Variants in PTPRN2 observed in about 807,000 individuals in gnomAD.
PTPRN2 encodes the protein protein tyrosine phosphatase receptor type N2.
Under a neutral mutation model 118.8 loss-of-function variants are expected in PTPRN2, and 74 were observed. The observed-to-expected ratio is 0.62, with a 90% CI of 0.52 to 0.76. The LOEUF is 0.76. Among genes scored for constraint, PTPRN2 ranks in the 30% least tolerant of loss-of-function variants. PTPRN2 has a pLI of 0.00. For synonymous variants in PTPRN2, 641 were observed against 608.0 expected, an observed-to-expected ratio of 1.05 and a Z score of -0.80; for missense variants, 1,481 against 1,394.4, an observed-to-expected ratio of 1.06 and a Z score of -0.99.
chr7:157,803,245 G>A (rs1182870650), intron 12 of PTPRN2, among the ~76,000 whole-genome samples: 1 of 152,196 alleles, frequency 6.6e-6, no homozygotes, highest in Non-Finnish European at 1.5e-5. Flanking sequence ...GATTATAGGT[G>A]TGAGCCACCA....
At chr7:157,621,572 A>G in intron 14 of PTPRN2, 63 bp from the exon 15 acceptor site, 1 of 1,591,876 alleles carries the variant, frequency 6.3e-7, no homozygotes, top group Non-Finnish European at 8.5e-7. Flanking sequence ...GCAGATGCAC[A>G]AAAGGCAGCG....
chr7:158,275,798 C>T (rs1167685140), intron 3 of PTPRN2, among the ~76,000 whole-genome samples: 8 of 152,154 alleles, frequency 5.3e-5, no homozygotes, highest in Non-Finnish European at 1.0e-4. Flanking sequence ...GGGCCTCCAC[C>T]GCCAAAGCCA....
At chr7:158,295,305 A>G (rs111288746) in intron 3 of PTPRN2, among the ~76,000 whole-genome samples, 19 of 7,810 alleles carry the variant, frequency 2.4e-3, no homozygotes, top group East Asian at 3.9e-3. Context: ...AGCCCACGGC[A>G]CCCGCTGACC....
chr7:158,159,339 C>G (rs868053424), intron 6 of PTPRN2, among the ~76,000 whole-genome samples: 1 of 152,238 alleles, frequency 6.6e-6, no homozygotes, highest in Non-Finnish European at 1.5e-5. Context: ...ATGAACACCA[C>G]GGGCCCCATC....
chr7:157,860,743 G>C (rs1810172791), intron 12 of PTPRN2, among the ~76,000 whole-genome samples: 2 of 152,246 alleles, frequency 1.3e-5, no homozygotes, highest in Non-Finnish European at 2.9e-5. Flanking sequence ...AGAGCAGACA[G>C]TTTCTTATAT....
intron 1 of PTPRN2, among the ~76,000 whole-genome samples, chr7:158,582,796 C>CAAAAAAAAAAAAA (rs1156687117): frequency 2.3e-5 from 1 of 44,296 alleles, no homozygotes; most frequent in Non-Finnish European, 4.2e-5. Flanking sequence ...GACTCCATCT[C>CAAAAAAAAAAAAA]AAAAAAAAAA....
At chr7:158,103,096 G>A (rs997184497) in intron 10 of PTPRN2, among the ~76,000 whole-genome samples, 11 of 152,184 alleles carry the variant, frequency 7.2e-5, no homozygotes, top group Non-Finnish European at 1.3e-4. Flanking sequence ...AGAAGCAGGC[G>A]TGAGCACCTA....
chr7:158,275,404 C>G (rs148436362), intron 3 of PTPRN2, among the ~76,000 whole-genome samples: 1 of 152,218 alleles, frequency 6.6e-6, no homozygotes, highest in Admixed American at 6.5e-5. Flanking sequence ...GCCTAGAGTT[C>G]GGCTATTTTT....
chr7:158,166,568 C>T (rs1206231546), intron 6 of PTPRN2, among the ~76,000 whole-genome samples: 108 of 149,592 alleles, frequency 7.2e-4, no homozygotes, highest in Middle Eastern at 3.5e-3. Context: ...TCCTCCTCCC[C>T]CTGGCCGCCG....
At chr7:158,491,226 C>T (rs893656816) in intron 1 of PTPRN2, among the ~76,000 whole-genome samples, 1 of 152,230 alleles carries the variant, frequency 6.6e-6, no homozygotes, top group Non-Finnish European at 1.5e-5. Flanking sequence ...GGCAGCCTCG[C>T]TCGTCTCACA....
intron 2 of PTPRN2, among the ~76,000 whole-genome samples, chr7:158,378,012 C>G (rs550876056): frequency 6.6e-6 from 1 of 152,322 alleles, no homozygotes; most frequent in South Asian, 2.1e-4. Flanking sequence ...GGGTGTAACA[C>G]AGCCAGTCCT....
At chr7:158,320,581 T>G (rs1802929997) in intron 2 of PTPRN2, among the ~76,000 whole-genome samples, 2 of 152,092 alleles carry the variant, frequency 1.3e-5, no homozygotes, top group South Asian at 4.1e-4. Context: ...TGTTCCCACG[T>G]CCTCGGCAGC....
chr7:158,325,710 A>G (rs1803449541), intron 2 of PTPRN2, among the ~76,000 whole-genome samples: 1 of 152,114 alleles, frequency 6.6e-6, no homozygotes, highest in Non-Finnish European at 1.5e-5. Context: ...AGGGCAGGCG[A>G]GAGACACCCG....
At chr7:158,303,232 GAAC>G (rs1474548708) in intron 3 of PTPRN2, among the ~76,000 whole-genome samples, 2 of 151,582 alleles carry the variant, frequency 1.3e-5, no homozygotes, top group African/African-American at 4.9e-5. Flanking sequence ...GTGATCCTGA[GAAC>G]AACATTTTAA....
chr7:158,203,494 G>C (rs1826829140), intron 4 of PTPRN2, among the ~76,000 whole-genome samples: 1 of 152,088 alleles, frequency 6.6e-6, no homozygotes, highest in Non-Finnish European at 1.5e-5. Flanking sequence ...CTCCATGGTT[G>C]TTGCTGAGTT....
intron 3 of PTPRN2, among the ~76,000 whole-genome samples, chr7:158,209,271 A>T (rs944384592): frequency 1.3e-5 from 2 of 151,940 alleles, no homozygotes; most frequent in South Asian, 2.1e-4. Context: ...TGAATGGATT[A>T]AAAAAAAGAC....
Position 158,003,038 on chromosome 7 carries a change from A to T in PTPRN2, c.1723+78260T>A, listed in dbSNP as rs1315136818. Among the ~76,000 whole-genome samples, 2 of 152,282 alleles carry T rather than the reference A, an allele frequency of 1.3e-5. No homozygotes were observed. The highest frequency in any genetic ancestry group is 1.5e-5 in the Non-Finnish European group (1 of 68,020). ...GGGCAGGAGATGTTTGGCTTCTGTCATGAGCTGACCTGTGTCCCCCAAAAT... is the reference window on the plus strand; with the variant it reads ...GGGCAGGAGATGTTTGGCTTCTGTCTTGAGCTGACCTGTGTCCCCCAAAAT... On this transcript the variant is annotated intron_variant, in intron 11 of 22. Coordinates refer to ENST00000389418, the MANE Select transcript of PTPRN2 (RefSeq NM_002847.5). This position sits in a 1 kb window ranked among gnomAD's most constrained non-coding sequence, Gnocchi z 5.0.
At chr7:158,035,088 T>C (rs529768775) in intron 11 of PTPRN2, among the ~76,000 whole-genome samples, 2 of 152,336 alleles carry the variant, frequency 1.3e-5, no homozygotes, top group South Asian at 4.1e-4. Flanking sequence ...AGGAACAAAA[T>C]TTGAAATTGT....
Position 158,447,466 on chromosome 7 carries a change from G to A in PTPRN2, c.163+42269C>T, listed in dbSNP as rs573584812. 1.1e-4 allele frequency among the ~76,000 whole-genome samples: 17 copies of A among 152,232 alleles called. No homozygotes were observed. The South Asian group carries it at 2.1e-3, about 19-fold the overall frequency. On this transcript the variant is annotated intron_variant, in intron 2 of 22. Coordinates refer to ENST00000389418, the MANE Select transcript of PTPRN2 (RefSeq NM_002847.5). ...GGCCCTGACGGACTCAGGCCAGGGC[G>A]GCACCACCTGCCCAGCTGGGCAGCC...
Sources: gnomAD v4.1 joint callset for allele counts (sites outside exome capture counted in the v4.1 genomes callset) on GRCh38, gnomAD v4.1.1 for gene constraint, Gnocchi (gnomAD v3.1) non-coding constraint, MANE v1.5 for transcripts, NCBI Gene and HGNC (gene_info 2026-07-23, HGNC 2026-07-21) for gene names.